Variants in GAREM1 observed in about 807,000 individuals in gnomAD.
GAREM1 encodes the protein GRB2-associated and regulator of MAPK protein 1.
Under a neutral mutation model 71.3 loss-of-function variants are expected in GAREM1, and 26 were observed. The ratio of observed to expected loss-of-function variants is 0.36; its 90% CI spans 0.27 to 0.51. GAREM1 has a LOEUF of 0.51. Ranked by LOEUF, GAREM1 falls within the 20% of genes least tolerant of loss-of-function variation. The pLI is 0.95. For missense variants in GAREM1, 1,026 were observed against 1,103.1 expected (o/e 0.93, Z 0.99); for synonymous variants, 440 against 433.2 (o/e 1.02, Z -0.20).
intron 1 of GAREM1, among the ~76,000 whole-genome samples, chr18:32,420,490 C>T (rs1470283682): frequency 5.9e-5 from 9 of 152,120 alleles, no homozygotes; most frequent in African/African-American, 2.2e-4. Flanking sequence ...CTGACTCCCC[C>T]ACTTTATGGA....
intron 1 of GAREM1, among the ~76,000 whole-genome samples, chr18:32,435,548 T>G (rs1260460519): frequency 6.6e-6 from 1 of 152,116 alleles, no homozygotes; most frequent in Admixed American, 6.6e-5. Flanking sequence ...TTCCAAGATA[T>G]CTCACAAAAG....
intron 3 of GAREM1, among the ~76,000 whole-genome samples, chr18:32,301,008 C>T (rs767379128): frequency 6.6e-5 from 10 of 150,734 alleles, no homozygotes; most frequent in South Asian, 2.1e-4. Context: ...ACTTTTAAAA[C>T]GGCAACAAAT....
chr18:32,437,945 A>G (rs1300070628), intron 1 of GAREM1, among the ~76,000 whole-genome samples: 1 of 152,112 alleles, frequency 6.6e-6, no homozygotes, highest in African/African-American at 2.4e-5. Context: ...CCATCTAAAA[A>G]CAGTTGAACT....
At chr18:32,397,461 T>C (rs1279077097) in intron 1 of GAREM1, among the ~76,000 whole-genome samples, 1 of 152,096 alleles carries the variant, frequency 6.6e-6, no homozygotes, top group African/African-American at 2.4e-5. Flanking sequence ...GAGGAAGATC[T>C]ACCAAGCAAA....
At chr18:32,327,585 G>A (rs1378839218) in intron 2 of GAREM1, among the ~76,000 whole-genome samples, 1 of 151,792 alleles carries the variant, frequency 6.6e-6, no homozygotes, top group East Asian at 1.9e-4. Context: ...TGACTAGAAA[G>A]TGAAGGATTA....
intron 1 of GAREM1, among the ~76,000 whole-genome samples, chr18:32,466,566 A>T (rs1413114969): frequency 1.3e-5 from 2 of 152,182 alleles, no homozygotes; most frequent in Non-Finnish European, 1.5e-5. Flanking sequence ...AGAAGCAAAA[A>T]GGTTGTAAGA....
At chr18:32,465,154 C>T (rs1011133855) in intron 1 of GAREM1, among the ~76,000 whole-genome samples, 2 of 152,100 alleles carry the variant, frequency 1.3e-5, no homozygotes, top group Non-Finnish European at 2.9e-5. Flanking sequence ...GCCATGTGTA[C>T]TCTCTTAAAA....
chr18:32,435,247 T>C (rs1599045719), intron 1 of GAREM1, among the ~76,000 whole-genome samples: 1 of 151,932 alleles, frequency 6.6e-6, no homozygotes, highest in African/African-American at 2.4e-5. Context: ...AGATTGAATC[T>C]TGGGATGAAA....
At chr18:32,387,576 T>TAATA (rs1480669104) in intron 2 of GAREM1, among the ~76,000 whole-genome samples, 3 of 152,234 alleles carry the variant, frequency 2.0e-5, no homozygotes, top group African/African-American at 7.2e-5. Context: ...GGTTCTCTAT[T>TAATA]ATTAGCAAAA....
chr18:32,381,261 T>C (rs1295472121), intron 2 of GAREM1, among the ~76,000 whole-genome samples: 1 of 152,156 alleles, frequency 6.6e-6, no homozygotes, highest in Non-Finnish European at 1.5e-5. Flanking sequence ...GAAACATCTC[T>C]GCTAGAAAGC....
chr18:32,451,232 G>C (rs1381889259), intron 1 of GAREM1, among the ~76,000 whole-genome samples: 1 of 152,082 alleles, frequency 6.6e-6, no homozygotes, highest in African/African-American at 2.4e-5. Context: ...GATGATGATG[G>C]AGAGCAGAGC....
chr18:32,456,133 T>C (rs183489038), intron 1 of GAREM1, among the ~76,000 whole-genome samples: 1 of 152,256 alleles, frequency 6.6e-6, no homozygotes, highest in East Asian at 1.9e-4. Flanking sequence ...TCTCTGTATA[T>C]GTGAAAATTT....
intron 2 of GAREM1, among the ~76,000 whole-genome samples, chr18:32,345,116 T>C (rs1030700809): frequency 6.6e-6 from 1 of 151,824 alleles, no homozygotes; most frequent in Non-Finnish European, 1.5e-5. Context: ...CAAAAAACAG[T>C]CTGCAGTCTA....
intron 1 of GAREM1, among the ~76,000 whole-genome samples, chr18:32,465,306 A>AT (rs2048988980): frequency 1.3e-5 from 2 of 152,248 alleles, no homozygotes. Context: ...ACTTACTTCA[A>AT]TTTCAATGAT....
chr18:32,364,653 A>G (rs1414513541), intron 2 of GAREM1, among the ~76,000 whole-genome samples: 1 of 152,250 alleles, frequency 6.6e-6, no homozygotes, highest in Non-Finnish European at 1.5e-5. Context: ...GCCAGTGTTA[A>G]CATATTTCTA....
At chr18:32,309,879 G>C (rs2047297653) in intron 3 of GAREM1, among the ~76,000 whole-genome samples, 1 of 152,068 alleles carries the variant, frequency 6.6e-6, no homozygotes, top group South Asian at 2.1e-4. Context: ...CAGAAGTGGA[G>C]ATCTGGCTAA....
At chr18:32,283,586 C>G (rs1413344545) in intron 4 of GAREM1, among the ~76,000 whole-genome samples, 1 of 151,940 alleles carries the variant, frequency 6.6e-6, no homozygotes, top group Non-Finnish European at 1.5e-5. Context: ...AATTATTAAA[C>G]AATCTTTACA....
At chr18:32,437,969 T>C (rs1414628203) in intron 1 of GAREM1, among the ~76,000 whole-genome samples, 1 of 152,188 alleles carries the variant, frequency 6.6e-6, no homozygotes, top group Non-Finnish European at 1.5e-5. Flanking sequence ...CTCTTTAAAA[T>C]GGTAAACTAA....
chr18:32,326,490 T>C (rs1220295578), intron 2 of GAREM1, among the ~76,000 whole-genome samples: 6 of 152,214 alleles, frequency 3.9e-5, no homozygotes, highest in South Asian at 2.1e-4. Flanking sequence ...TAAGTCTTTT[T>C]CTTTTAATTA....
Sources: allele counts gnomAD v4.1 joint callset (sites outside exome capture counted in the v4.1 genomes callset), GRCh38; gene constraint gnomAD v4.1.1; transcripts MANE v1.5; gene names NCBI Gene and HGNC (gene_info 2026-07-23, HGNC 2026-07-21).